Variants in MALRD1 observed in about 807,000 individuals in gnomAD.
The protein encoded by MALRD1 is MAM and LDL-receptor class A domain-containing protein 1.
MALRD1 carries 247 observed loss-of-function variants against 242.1 expected under a neutral mutation model. The observed-to-expected ratio is 1.02, with a 90% CI of 0.92 to 1.13. MALRD1 has a LOEUF of 1.13. Ranked by LOEUF, MALRD1 falls within the 50% of genes most tolerant of loss-of-function variation. The probability of loss-of-function intolerance (pLI) is 0.00; values close to 1 mark genes in which losing one functional copy is unlikely to be tolerated. For synonymous variants in MALRD1, 995 were observed against 866.6 expected (o/e 1.15, Z -2.60); for missense variants, 2,989 against 2,533.1 (o/e 1.18, Z -3.86).
chr10:19,180,828 G>A (rs1337685896), intron 14 of MALRD1, among the ~76,000 whole-genome samples: 2 of 151,992 alleles, frequency 1.3e-5, no homozygotes. Flanking sequence ...TCTGATAAGG[G>A]GTTAATATTC....
Position 19,698,227 on chromosome 10 carries a change from T to A in MALRD1, c.6314+5673T>A, listed in dbSNP as rs760027756. ...AAGGGTACCATGATCATTTGAGGTGTAAAGCTCAGATATAGCTGTTTTTAT... is the reference window on the plus strand; with the variant it reads ...AAGGGTACCATGATCATTTGAGGTGAAAAGCTCAGATATAGCTGTTTTTAT... On this transcript the variant is annotated intron_variant, in intron 38 of 39. Coordinates refer to ENST00000454679, the MANE Select transcript of MALRD1 (RefSeq NM_001142308.3). 2.4e-4 allele frequency among the ~76,000 whole-genome samples: 36 copies of A among 152,236 alleles called. 1 individual carries two copies. Among genetic ancestry groups the A allele is most frequent in the Non-Finnish European group, 4.0e-4 (27 of 68,040 alleles).
At chr10:19,301,916 T>TA (rs1340434621) in intron 21 of MALRD1, among the ~76,000 whole-genome samples, 3 of 151,722 alleles carry the variant, frequency 2.0e-5, no homozygotes, top group Non-Finnish European at 4.4e-5. Context: ...AACTAAGCCA[T>TA]AAAAAGACAG....
At chr10:19,651,077 A>T (rs1424082169) in intron 36 of MALRD1, among the ~76,000 whole-genome samples, 1 of 152,268 alleles carries the variant, frequency 6.6e-6, no homozygotes, top group Non-Finnish European at 1.5e-5. Flanking sequence ...CTTAAAGTCA[A>T]TAATGGCATA....
chr10:19,465,139 A>T lies in MALRD1; in HGVS notation c.5029+14649A>T, dbSNP rs192558095. ...GTCTTTAGGGTTCTCTAGGTATATG[A>T]TCATATCATCAGCAAACAGTGACAG... On this transcript the variant is annotated intron_variant, in intron 29 of 39. Transcript: ENST00000454679. Among the ~76,000 whole-genome samples, 299 of 152,096 alleles carry T rather than the reference A, an allele frequency of 2.0e-3. 2 individuals carry two copies. Among genetic ancestry groups the T allele is most frequent in the Middle Eastern group, 6.8e-3 (2 of 294 alleles).
intron 36 of MALRD1, among the ~76,000 whole-genome samples, chr10:19,676,888 C>G (rs1442780362): frequency 6.6e-6 from 1 of 152,144 alleles, no homozygotes; most frequent in African/African-American, 2.4e-5. Context: ...CATTGTTCAG[C>G]TTCCACTTAT....
intron 31 of MALRD1, among the ~76,000 whole-genome samples, chr10:19,506,855 T>C (rs986375009): frequency 2.0e-5 from 3 of 152,092 alleles, no homozygotes; most frequent in African/African-American, 7.2e-5. Flanking sequence ...AGATGGACCA[T>C]GTGTATTAGG....
chr10:19,052,910 A>G (rs1834552253), intron 1 of MALRD1, among the ~76,000 whole-genome samples: 2 of 152,036 alleles, frequency 1.3e-5, no homozygotes, highest in African/African-American at 2.4e-5. Flanking sequence ...TTCCCTCCTC[A>G]AGTTCCTTTT....
At chr10:19,308,126 G>T (rs563410643) in intron 21 of MALRD1, among the ~76,000 whole-genome samples, 5 of 151,260 alleles carry the variant, frequency 3.3e-5, no homozygotes, top group Non-Finnish European at 7.4e-5. Context: ...AGGTATTATT[G>T]TTTCTTTCTA....
At chr10:19,408,572 CAAAA>C (rs1468576121) in intron 28 of MALRD1, among the ~76,000 whole-genome samples, 1 of 151,700 alleles carries the variant, frequency 6.6e-6, no homozygotes, top group African/African-American at 2.4e-5. Context: ...AATGCATTAA[CAAAA>C]AAATTAAACA....
At chr10:19,146,468 T>A in intron 11 of MALRD1, 124 bp downstream of exon 11, 2 of 823,160 alleles carry the variant, frequency 2.4e-6, no homozygotes, top group Non-Finnish European at 3.2e-6. Flanking sequence ...TGTCTTGCTT[T>A]AAAACCTCCT....
intron 7 of MALRD1, among the ~76,000 whole-genome samples, chr10:19,125,378 T>TTTCC (rs60592186): frequency 7.1e-4 from 62 of 87,784 alleles, no homozygotes; most frequent in African/African-American, 9.4e-4. Context: ...TCTTTCTTTC[T>TTTCC]TTCCTTCCTT....
In MALRD1 at chr10:19,126,056, T is replaced by C. The variant is rs536916862; in HGVS notation, c.943+1386T>C. The stretch of plus-strand genomic sequence containing the variant: ...ATCTGGTCATACAATTTTAGAATTT[T>C]TTTTTTTTAATTTCTAAGTACAGGG... On this transcript the variant is annotated intron_variant, in intron 7 of 39. Transcript: ENST00000454679. Among the ~76,000 whole-genome samples, 6 of 152,220 alleles carry C rather than the reference T, an allele frequency of 3.9e-5. No homozygotes were observed. The South Asian group carries it at 1.0e-3, about 26-fold the overall frequency.
intron 28 of MALRD1, among the ~76,000 whole-genome samples, chr10:19,408,198 G>C (rs1833118861): frequency 1.3e-5 from 2 of 152,278 alleles, no homozygotes; most frequent in South Asian, 4.1e-4. Flanking sequence ...GAAGGGTCTA[G>C]TGTCTCATGG....
chr10:19,574,981 G>A (rs762334842), intron 33 of MALRD1, among the ~76,000 whole-genome samples: 71 of 152,320 alleles, frequency 4.7e-4, no homozygotes, highest in Non-Finnish European at 8.5e-4. Flanking sequence ...GAAAATCTAT[G>A]TGGTGCCCTT....
chr10:19,174,297 AAG>A (rs1003070474), intron 13 of MALRD1, among the ~76,000 whole-genome samples: 1 of 152,154 alleles, frequency 6.6e-6, no homozygotes, highest in Non-Finnish European at 1.5e-5. Flanking sequence ...TCACAAAGGA[AAG>A]AGAGGGGAAG....
At chr10:19,489,355 G>A (rs1398590190) in intron 29 of MALRD1, 2 of 542,862 alleles carry the variant, frequency 3.7e-6, no homozygotes. Context: ...AAACTGAGGA[G>A]AGTCCAGCCT....
At chr10:19,290,188 C>G (rs758934935) in intron 21 of MALRD1, 8 of 152,154 alleles carry the variant, frequency 5.3e-5, no homozygotes, top group African/African-American at 1.9e-4. Flanking sequence ...ATTTAATGGA[C>G]TATCCTTGGT....
At chr10:19,444,788 T>C (rs1293089462) in intron 28 of MALRD1, among the ~76,000 whole-genome samples, 1 of 152,210 alleles carries the variant, frequency 6.6e-6, no homozygotes, top group Admixed American at 6.5e-5. Flanking sequence ...TTATGTGTCT[T>C]GGAGTTGCTC....
chr10:19,639,692 AAGTT>A (rs1840299923), intron 36 of MALRD1, among the ~76,000 whole-genome samples: 1 of 152,196 alleles, frequency 6.6e-6, no homozygotes, highest in African/African-American at 2.4e-5. Flanking sequence ...TAGCAGTTGA[AAGTT>A]AGTATGCTCT....
Sources: gnomAD v4.1 joint callset for allele counts (sites outside exome capture counted in the v4.1 genomes callset) on GRCh38, gnomAD v4.1.1 for gene constraint, MANE v1.5 for transcripts, NCBI Gene and HGNC (gene_info 2026-07-23, HGNC 2026-07-21) for gene names.